RPTOR: variants seen among roughly 807,000 people sequenced by gnomAD.
RPTOR encodes regulatory-associated protein of mTOR.
Under a neutral mutation model 169.9 loss-of-function variants are expected in RPTOR, and 21 were observed. That is an observed-to-expected ratio of 0.12 (90% CI 0.09 to 0.18). The LOEUF is 0.18. Among genes scored for constraint, RPTOR ranks in the 10% least tolerant of loss-of-function variants. The pLI is 1.00. For missense variants in RPTOR, 1,133 were observed against 1,855.9 expected (o/e 0.61, Z 7.16); for synonymous variants, 732 against 753.2 (o/e 0.97, Z 0.46).
At chr17:80,955,894 A>C (rs1469325597) in intron 28 of RPTOR, among the ~76,000 whole-genome samples, 1 of 152,230 alleles carries the variant, frequency 6.6e-6, no homozygotes, top group Non-Finnish European at 1.5e-5. Context: ...GACATGGTTC[A>C]CAAAGCCAGG....
rs1344155456 is a variant in RPTOR, at chr17:80,959,750, C to T, written c.3478-328C>T. Among the ~76,000 whole-genome samples, 1 of 152,218 alleles carries T rather than the reference C, an allele frequency of 6.6e-6. No homozygotes were observed. Among genetic ancestry groups the T allele is most frequent in the Non-Finnish European group, 1.5e-5 (1 of 68,028 alleles). ...TAATTGGCACTGACAGCCAGTCCTT[C>T]CCAGAGGCGTTTGCAGGCCTCCGCT... On this transcript the variant is annotated intron_variant, in intron 29 of 33. Coordinates refer to ENST00000306801, the MANE Select transcript of RPTOR (RefSeq NM_020761.3). The surrounding 1 kb of genome is among the most constrained non-coding windows in gnomAD (Gnocchi z 6.7).
chr17:80,645,121 T>C (rs1350957213), intron 3 of RPTOR, among the ~76,000 whole-genome samples: 1 of 152,180 alleles, frequency 6.6e-6, no homozygotes, highest in Non-Finnish European at 1.5e-5. Flanking sequence ...AAAAATGTAG[T>C]TGAGATGCCT....
In RPTOR at chr17:80,883,873, C is replaced by T. The variant is rs781388235; in HGVS notation, c.1743C>T (p.Leu581=). ...PLLRQWVAIC[L]GRIWQNFDSA... Reference sequence around the variant, plus strand: ...TGCGCCAGTGGGTGGCCATCTGCCTCGGCAGGATCTGGCAGAACTTCGACT... The same window carrying T: ...TGCGCCAGTGGGTGGCCATCTGCCTTGGCAGGATCTGGCAGAACTTCGACT... The change falls in exon 16 of 34, where the codon CTC becomes CTT. Residue 581 remains leucine (L), a synonymous_variant. Transcript: ENST00000306801. 12 of 1,613,700 alleles carry T rather than the reference C, an allele frequency of 7.4e-6. No homozygotes were observed. Among genetic ancestry groups the T allele is most frequent in the South Asian group, 1.1e-5 (1 of 91,082 alleles).
intron 1 of RPTOR, among the ~76,000 whole-genome samples, chr17:80,615,485 T>C (rs1334999858): frequency 6.6e-6 from 1 of 152,164 alleles, no homozygotes; most frequent in Non-Finnish European, 1.5e-5. Context: ...TGGAAGGTGT[T>C]AAGAAGATTA....
intron 4 of RPTOR, among the ~76,000 whole-genome samples, chr17:80,712,245 G>T (rs1360922822): frequency 1.3e-5 from 2 of 151,946 alleles, no homozygotes; most frequent in East Asian, 3.9e-4. Flanking sequence ...TTTACACTAG[G>T]GCTCACTCCT....
intron 23 of RPTOR, 98 bp downstream of exon 23, chr17:80,923,771 G>A: frequency 7.6e-7 from 1 of 1,308,172 alleles, no homozygotes; most frequent in East Asian, 2.6e-5. Flanking sequence ...CATCACCATG[G>A]GATGGGGCAG....
chr17:80,949,632 G>A, intron 28 of RPTOR, 85 bp downstream of exon 28: 1 of 1,109,594 alleles, frequency 9.0e-7, no homozygotes, highest in Non-Finnish European at 1.4e-6. Context: ...TTCTGGGGCT[G>A]TCTCTAAACA....
Position 80,743,701 on chromosome 17 carries a change from C to T in RPTOR, c.655-10309C>T, listed in dbSNP as rs56248419. ...GCCCTGGCTACTAGCACAGCCCTGG[C>T]TACTAGCACTGTCCTGGCTACGAGC... is the stretch of plus-strand genomic sequence containing the variant. On this transcript the variant is annotated intron_variant, in intron 5 of 33. Transcript: ENST00000306801. Among the ~76,000 whole-genome samples the T allele has an allele frequency of 5.2e-3, 549 of 105,526 alleles. 20 individuals are homozygous for T. The highest frequency in any genetic ancestry group is 9.1e-3 in the African/African-American group (320 of 35,266). The allele number at this position is 105,526 out of a possible 152,430, so 69.2% of individuals were successfully genotyped here.
chr17:80,691,395 C>T (rs2065989971), intron 3 of RPTOR, among the ~76,000 whole-genome samples: 1 of 151,462 alleles, frequency 6.6e-6, no homozygotes, highest in Non-Finnish European at 1.5e-5. Context: ...TCGTTTCTCA[C>T]TGCATCTCTC....
At chr17:80,833,727 C>G (rs1474244544) in intron 9 of RPTOR, among the ~76,000 whole-genome samples, 1 of 152,216 alleles carries the variant, frequency 6.6e-6, no homozygotes, top group Non-Finnish European at 1.5e-5. Flanking sequence ...CAATGGCTCA[C>G]GCCTGTAATC....
intron 21 of RPTOR, among the ~76,000 whole-genome samples, chr17:80,912,628 C>T (rs562247513): frequency 1.6e-4 from 24 of 152,300 alleles, no homozygotes; most frequent in African/African-American, 5.5e-4. Context: ...CTTCAGCAAA[C>T]GTCCCAGCAC....
intron 6 of RPTOR, among the ~76,000 whole-genome samples, chr17:80,765,481 C>G (rs182731715): frequency 6.6e-6 from 1 of 152,180 alleles, no homozygotes; most frequent in Non-Finnish European, 1.5e-5. Flanking sequence ...TAGCATTTGT[C>G]GAGCGTCACT....
In RPTOR at chr17:80,643,933, G is replaced by A. The variant is rs548728286; in HGVS notation, c.348+123G>A. The A allele has an allele frequency of 1.4e-4, 105 of 735,322 alleles. No individual in the cohort carries two copies. In the South Asian group the frequency reaches 1.7e-3, roughly 12 times the overall value. 45.5% of individuals were successfully genotyped at this position (735,322 alleles called of 1,614,324 possible). ...ACACCCTGCCCTTGTGTGGCATGGC[G>A]CCTGCGCACTGCGTTTCGTGTGCCT... On this transcript the variant is annotated intron_variant, in intron 3 of 33. Coordinates refer to ENST00000306801, the MANE Select transcript of RPTOR (RefSeq NM_020761.3).
chr17:80,644,106 G>C (rs1009489065), intron 3 of RPTOR, among the ~76,000 whole-genome samples: 1 of 152,104 alleles, frequency 6.6e-6, no homozygotes, highest in Non-Finnish European at 1.5e-5. Context: ...TCTTAACCAT[G>C]GTTTTAATTT....
At chr17:80,727,789 A>G (rs906552268) in intron 4 of RPTOR, among the ~76,000 whole-genome samples, 6 of 152,096 alleles carry the variant, frequency 3.9e-5, no homozygotes, top group African/African-American at 1.4e-4. Context: ...AAAACATCTC[A>G]TGTACAAATG....
At chr17:80,784,872 T>C (rs960979656) in intron 6 of RPTOR, among the ~76,000 whole-genome samples, 1 of 151,784 alleles carries the variant, frequency 6.6e-6, no homozygotes, top group South Asian at 2.1e-4. Context: ...CTAATGCTGG[T>C]TTTTTTTGTT....
intron 18 of RPTOR, 77 bp from the exon 19 acceptor site, chr17:80,892,652 C>T (rs952208312): frequency 1.8e-5 from 28 of 1,529,066 alleles, no homozygotes; most frequent in Non-Finnish European, 2.2e-5. Flanking sequence ...CCGAGTGTCC[C>T]AGCTGCTGAG....
chr17:80,794,177 T>C (rs1183145590), intron 7 of RPTOR, among the ~76,000 whole-genome samples: 1 of 152,186 alleles, frequency 6.6e-6, no homozygotes, highest in Admixed American at 6.5e-5. Flanking sequence ...AGAAAATATT[T>C]GCAAGTCACA....
intron 6 of RPTOR, among the ~76,000 whole-genome samples, chr17:80,768,833 A>C (rs2066814132): frequency 1.3e-5 from 2 of 152,176 alleles, no homozygotes; most frequent in African/African-American, 4.8e-5. Context: ...AAGCGTGCTC[A>C]TGCCTCCATA....
Sources: gnomAD v4.1 joint callset for allele counts (sites outside exome capture counted in the v4.1 genomes callset) on GRCh38, gnomAD v4.1.1 for gene constraint, Gnocchi (gnomAD v3.1) non-coding constraint, MANE v1.5 for transcripts, NCBI Gene and HGNC (gene_info 2026-07-23, HGNC 2026-07-21) for gene names.